Variants in CNTN5 observed in about 807,000 individuals in gnomAD.
The protein encoded by CNTN5 is contactin 5.
In CNTN5, 77 loss-of-function variants were observed where a neutral mutation model predicts 129.1. That is an observed-to-expected ratio of 0.60 (90% CI 0.50 to 0.72). The LOEUF (loss-of-function observed/expected upper bound fraction) is 0.72, where lower values mean the gene tolerates loss of function less well. Among genes scored for constraint, CNTN5 ranks in the 30% least tolerant of loss-of-function variants. The probability of loss-of-function intolerance (pLI) is 0.00; values close to 1 mark genes in which losing one functional copy is unlikely to be tolerated. For synonymous variants in CNTN5, 509 were observed against 465.6 expected (o/e 1.09, Z -1.20); for missense variants, 1,478 against 1,328.8 (o/e 1.11, Z -1.75).
rs1257966010 is a variant in CNTN5, at chr11:99,874,488, A to AT, written c.577+29227dup. On this transcript the variant is annotated intron_variant, in intron 6 of 24. Coordinates refer to ENST00000524871, the MANE Select transcript of CNTN5 (RefSeq NM_014361.4). ...TGATGAATTCTTTCCTCAGGAGGGA[A>AT]TATCTAGTTGTGTTTCTTTTTGTGT... Among the ~76,000 whole-genome samples, 6 of 152,236 alleles carry AT rather than the reference A, an allele frequency of 3.9e-5. No homozygotes were observed. The East Asian group carries it at 1.2e-3, about 29-fold the overall frequency.
At chr11:99,996,586 C>G (rs11222263) in intron 8 of CNTN5, among the ~76,000 whole-genome samples, 10,704 of 152,138 alleles carry the variant, frequency 0.07, 783 homozygotes, top group East Asian at 0.31. Flanking sequence ...CTTTTTTCCA[C>G]TTATCCAAAC....
intron 3 of CNTN5, among the ~76,000 whole-genome samples, chr11:99,753,880 G>T (rs1369855816): frequency 6.7e-6 from 1 of 150,244 alleles, no homozygotes; most frequent in Non-Finnish European, 1.5e-5. Context: ...TAGAAATGGG[G>T]TTTTGCTATG....
chr11:99,070,909 T>A (rs977020629), intron 1 of CNTN5, among the ~76,000 whole-genome samples: 2 of 152,120 alleles, frequency 1.3e-5, no homozygotes, highest in African/African-American at 4.8e-5. Flanking sequence ...AGAAGCTGAC[T>A]CTCAACCTGG....
chr11:99,301,184 A>G (rs1459851378), intron 1 of CNTN5, among the ~76,000 whole-genome samples: 1 of 151,844 alleles, frequency 6.6e-6, no homozygotes, highest in African/African-American at 2.4e-5. Context: ...GAATCTAAGA[A>G]CAGAAATAAT....
chr11:99,995,439 A>T (rs1432701953), intron 8 of CNTN5, among the ~76,000 whole-genome samples: 2 of 152,222 alleles, frequency 1.3e-5, no homozygotes, highest in African/African-American at 4.8e-5. Context: ...ACTTATTTCA[A>T]AACCTACATA....
chr11:100,197,384 A>G (rs1259675860), intron 15 of CNTN5, among the ~76,000 whole-genome samples: 1 of 151,958 alleles, frequency 6.6e-6, no homozygotes, highest in Non-Finnish European at 1.5e-5. Flanking sequence ...AGCTGTGTGG[A>G]GCAGGGATTG....
In CNTN5 at chr11:99,051,964, A is replaced by T. The variant is rs541163484; in HGVS notation, c.-210+30694A>T. Among the ~76,000 whole-genome samples, 19 of 151,956 alleles carry T rather than the reference A, an allele frequency of 1.3e-4. No homozygotes were observed. The South Asian group carries it at 3.1e-3, about 25-fold the overall frequency. On this transcript the variant is annotated intron_variant, in intron 1 of 24. Transcript: ENST00000524871. ...AGTTAGCTCTGACTATTCTTAAAGG[A>T]TGAATTACATTTTAATGTTGAAGAT...
chr11:100,189,279 A>G (rs1249164001), intron 13 of CNTN5, among the ~76,000 whole-genome samples: 5 of 151,856 alleles, frequency 3.3e-5, no homozygotes, highest in Non-Finnish European at 1.5e-5. Context: ...AAAAAAAAAA[A>G]AAAACCTTGT....
chr11:99,841,899 T>A (rs868265694), intron 4 of CNTN5, among the ~76,000 whole-genome samples: 72 of 148,298 alleles, frequency 4.9e-4, no homozygotes, highest in African/African-American at 1.1e-3. Context: ...TATATATATT[T>A]TTTTTTTATG....
chr11:99,996,310 A>T (rs560049675), intron 8 of CNTN5, among the ~76,000 whole-genome samples: 1 of 152,174 alleles, frequency 6.6e-6, no homozygotes, highest in Admixed American at 6.5e-5. Flanking sequence ...CTCCAGTTTC[A>T]CTATATACAT....
At chr11:99,188,097 T>G in intron 1 of CNTN5, among the ~76,000 whole-genome samples, 1 of 152,040 alleles carries the variant, frequency 6.6e-6, no homozygotes, top group South Asian at 2.1e-4. Flanking sequence ...AAGATGACTT[T>G]ATTTTTGTAT....
At chr11:99,064,202 C>T (rs1207952404) in intron 1 of CNTN5, among the ~76,000 whole-genome samples, 1 of 152,134 alleles carries the variant, frequency 6.6e-6, no homozygotes, top group Non-Finnish European at 1.5e-5. Flanking sequence ...AACCAAGTTA[C>T]ATCATTTTCA....
chr11:99,424,707 T>A (rs1943043912), intron 2 of CNTN5, among the ~76,000 whole-genome samples: 1 of 152,244 alleles, frequency 6.6e-6, no homozygotes, highest in Non-Finnish European at 1.5e-5. Context: ...GGAGCTCCTA[T>A]GTCTGGGCTG....
At chr11:99,662,003 C>A (rs970016332) in intron 3 of CNTN5, among the ~76,000 whole-genome samples, 3 of 151,922 alleles carry the variant, frequency 2.0e-5, no homozygotes, top group Non-Finnish European at 4.4e-5. Flanking sequence ...TGGTTTTTTT[C>A]TATATTCAGG....
At chr11:99,172,017 C>T (rs1861171331) in intron 1 of CNTN5, among the ~76,000 whole-genome samples, 1 of 152,118 alleles carries the variant, frequency 6.6e-6, no homozygotes, top group African/African-American at 2.4e-5. Flanking sequence ...AAGCCAGAAA[C>T]ATAACCATTA....
rs374635124 is a variant in CNTN5 at position 100,093,333 on chromosome 11, G to A, written c.1580+19039G>A. On this transcript the variant is annotated intron_variant, in intron 13 of 24. Transcript: ENST00000524871. The stretch of plus-strand genomic sequence containing the variant: ...TGGAGTGCAGTGGCAAGACCATAGC[G>A]CACTGTAATCTGGAACTCCTGGGCT... Among the ~76,000 whole-genome samples, 121 of 152,094 alleles carry A rather than the reference G, an allele frequency of 8.0e-4. 2 individuals are homozygous for A. In the South Asian group the frequency reaches 0.018, roughly 22 times the overall value.
At chr11:99,697,303 G>A in intron 3 of CNTN5, among the ~76,000 whole-genome samples, 1 of 151,312 alleles carries the variant, frequency 6.6e-6, no homozygotes, top group African/African-American at 2.4e-5. Flanking sequence ...GTTGGGGAGA[G>A]AGAAAAAGAG....
intron 3 of CNTN5, among the ~76,000 whole-genome samples, chr11:99,794,180 C>CT (rs34449350): frequency 2.6e-3 from 368 of 141,688 alleles, no homozygotes; most frequent in African/African-American, 6.8e-3. Context: ...CCTTCTTTGT[C>CT]TTTTTTTTTT....
chr11:99,426,315 G>A (rs1943117915), intron 2 of CNTN5, among the ~76,000 whole-genome samples: 1 of 152,030 alleles, frequency 6.6e-6, no homozygotes, highest in Non-Finnish European at 1.5e-5. Context: ...TGTAAAATAA[G>A]TCATTCATTT....
Sources: gnomAD v4.1 joint callset for allele counts (sites outside exome capture counted in the v4.1 genomes callset) on GRCh38, gnomAD v4.1.1 for gene constraint, MANE v1.5 for transcripts, NCBI Gene and HGNC (gene_info 2026-07-23, HGNC 2026-07-21) for gene names.